Variants in KCNJ18 observed in about 807,000 individuals in gnomAD.
KCNJ18 encodes inward rectifier potassium channel 18.
A neutral mutation model predicts 17.3 loss-of-function variants in KCNJ18; 16 were observed. The observed-to-expected ratio is 0.92, with a 90% CI of 0.62 to 1.40. The LOEUF (loss-of-function observed/expected upper bound fraction) is 1.40, where lower values mean the gene tolerates loss of function less well. KCNJ18 is among the 40% of genes most tolerant of loss of function. The probability of loss-of-function intolerance (pLI) is 0.00; values close to 1 mark genes in which losing one functional copy is unlikely to be tolerated. For missense variants in KCNJ18, 462 were observed against 626.8 expected (o/e 0.74, Z 2.81); for synonymous variants, 185 against 262.6 (o/e 0.70, Z 2.86).
rs1425073692 is a variant in KCNJ18, at chr17:21,695,350, C to T, written c.-178-633C>T. ...TTCACCCATCCATCCATCCACCCAC[C>T]CATGTATTCATTCATCCATATACCC... On this transcript the variant is annotated intron_variant, in intron 1 of 2. Coordinates refer to ENST00000567955, the MANE Select transcript of KCNJ18 (RefSeq NM_001194958.2). 6.8e-3 allele frequency among the ~76,000 whole-genome samples: 1,039 copies of T among 152,318 alleles called. 24 individuals are homozygous for T. Among genetic ancestry groups the T allele is most frequent in the East Asian group, 0.05 (258 of 5,156 alleles).
chr17:21,700,003 C>G (rs1340095730), intron 2 of KCNJ18, among the ~76,000 whole-genome samples: 1 of 152,296 alleles, frequency 6.6e-6, no homozygotes, highest in African/African-American at 2.4e-5. Context: ...GGTGGCCTCA[C>G]GCCGGCGTCT....
chr17:21,701,676 C>G (rs1296851746), intron 2 of KCNJ18, among the ~76,000 whole-genome samples: 1 of 152,194 alleles, frequency 6.6e-6, no homozygotes, highest in African/African-American at 2.4e-5. Flanking sequence ...TTCAGGAGGC[C>G]GAGGCAGGTG....
intron 2 of KCNJ18, among the ~76,000 whole-genome samples, chr17:21,697,011 TG>T (rs1905778878): frequency 6.6e-6 from 1 of 152,270 alleles, no homozygotes; most frequent in East Asian, 1.9e-4. Flanking sequence ...TGACTCCCGC[TG>T]GGGAGGCCAG....
chr17:21,702,363 A>G (rs1477536032), intron 2 of KCNJ18, among the ~76,000 whole-genome samples: 2 of 151,946 alleles, frequency 1.3e-5, no homozygotes, highest in Admixed American at 6.5e-5. Context: ...GCTGCCATGG[A>G]GACTGGGGGG....
At chr17:21,694,977 A>G (rs1187058366) in intron 1 of KCNJ18, among the ~76,000 whole-genome samples, 1 of 149,858 alleles carries the variant, frequency 6.7e-6, no homozygotes, top group African/African-American at 2.5e-5. Flanking sequence ...TCATCTGCCC[A>G]TCCATCCATC....
At chr17:21,699,499 A>T (rs1276895196) in intron 2 of KCNJ18, among the ~76,000 whole-genome samples, 4 of 152,224 alleles carry the variant, frequency 2.6e-5, no homozygotes, top group African/African-American at 9.6e-5. Flanking sequence ...TCTCACACAC[A>T]CACACATGCA....
intron 1 of KCNJ18, among the ~76,000 whole-genome samples, chr17:21,694,690 A>G (rs1321149335): frequency 6.9e-6 from 1 of 145,952 alleles, no homozygotes; most frequent in Non-Finnish European, 1.5e-5. Flanking sequence ...CCATCCATCC[A>G]CCCTTCCATC....
At chr17:21,697,423 G>A (rs1905793391) in intron 2 of KCNJ18, among the ~76,000 whole-genome samples, 1 of 152,310 alleles carries the variant, frequency 6.6e-6, no homozygotes, top group Non-Finnish European at 1.5e-5. Flanking sequence ...GGCCTGGAAA[G>A]GGGATTGGGC....
chr17:21,698,987 C>T (rs1744144829), intron 2 of KCNJ18, among the ~76,000 whole-genome samples: 1 of 152,212 alleles, frequency 6.6e-6, no homozygotes, highest in East Asian at 1.9e-4. Context: ...CCCGGCGACC[C>T]TGGGACCCTG....
chr17:21,700,178 G>A (rs1437062107), intron 2 of KCNJ18, among the ~76,000 whole-genome samples: 8 of 151,648 alleles, frequency 5.3e-5, no homozygotes, highest in South Asian at 4.2e-4. Context: ...GCTCCTCAGC[G>A]TCATGGTGAG....
intron 2 of KCNJ18, among the ~76,000 whole-genome samples, chr17:21,702,041 G>A (rs1359759420): frequency 6.6e-6 from 1 of 152,298 alleles, no homozygotes; most frequent in Non-Finnish European, 1.5e-5. Context: ...TGCCGCCATT[G>A]TGCCCTTAGA....
intron 2 of KCNJ18, among the ~76,000 whole-genome samples, chr17:21,697,000 C>T (rs1905778209): frequency 6.6e-6 from 1 of 152,272 alleles, no homozygotes; most frequent in Non-Finnish European, 1.5e-5. Flanking sequence ...GGCACTGGAG[C>T]TGACTCCCGC....
chr17:21,698,790 G>A lies in KCNJ18; in HGVS notation c.-57+2686G>A, dbSNP rs1313022367. On this transcript the variant is annotated intron_variant, in intron 2 of 2. Coordinates refer to ENST00000567955, the MANE Select transcript of KCNJ18 (RefSeq NM_001194958.2). Reference sequence around the variant, plus strand: ...GGTCTGTTCTTCAAGTGGACTGGTCGCTGGGAGGCTGCGTCTGTAGGCACT... The same window carrying A: ...GGTCTGTTCTTCAAGTGGACTGGTCACTGGGAGGCTGCGTCTGTAGGCACT... 7.0e-4 allele frequency among the ~76,000 whole-genome samples: 106 copies of A among 152,300 alleles called. 1 individual carries two copies. Among genetic ancestry groups the A allele is most frequent in the African/African-American group, 2.4e-3 (99 of 41,552 alleles).
rs1906016919 is a variant in KCNJ18, at chr17:21,702,940, C to T, written c.154C>T (p.Gln52Ter). ...CRNRFVKKNG[Q>*]CNIAFANMDE... ...CAACCGCTTCGTCAAGAAGAATGGC[C>T]AGTGCAACATTGCGTTCGCCAACAT... Residue 52 changes from glutamine (Q) to a stop codon, truncating the protein, a stop_gained, in exon 3 of 3, where the codon CAG becomes TAG. Coordinates refer to ENST00000567955, the MANE Select transcript of KCNJ18 (RefSeq NM_001194958.2). LOFTEE classifies it high-confidence loss of function. 3 of 1,587,962 alleles carry T rather than the reference C, an allele frequency of 1.9e-6. No individual in the cohort carries two copies. The highest frequency in any genetic ancestry group is 2.6e-6 in the Non-Finnish European group (3 of 1,169,128).
In KCNJ18 at chr17:21,703,258, G is replaced by T; in HGVS notation, c.472G>T (p.Ala158Ser). 1 of 1,609,946 alleles carries T rather than the reference G, an allele frequency of 6.2e-7. No individual in the cohort carries two copies. ...CTGTGTGACGGAGGAGTGCCTGGTGGCCGTCTTCATGGTGGTGGCCCAGTC... is the reference window on the plus strand; with the variant it reads ...CTGTGTGACGGAGGAGTGCCTGGTGTCCGTCTTCATGGTGGTGGCCCAGTC... ...LRCVTEECLV[A>S]VFMVVAQSIV... Residue 158 changes from alanine to serine, a missense_variant, in exon 3 of 3, where the codon GCC becomes TCC. By Grantham distance (99) the Ala-to-Ser change is moderately conservative. Coordinates refer to ENST00000567955, the MANE Select transcript of KCNJ18 (RefSeq NM_001194958.2).
chr17:21,695,121 T>G (rs1905719534), intron 1 of KCNJ18, among the ~76,000 whole-genome samples: 1 of 152,048 alleles, frequency 6.6e-6, no homozygotes, highest in African/African-American at 2.4e-5. Context: ...CCATCTACCC[T>G]TCTGTTCATC....
chr17:21,699,437 G>GT (rs1905865652), intron 2 of KCNJ18, among the ~76,000 whole-genome samples: 1 of 152,090 alleles, frequency 6.6e-6, no homozygotes, highest in African/African-American at 2.4e-5. Context: ...TATTCACCAA[G>GT]TGCCCAGTGA....
rs1371015392 is a variant in KCNJ18, at chr17:21,704,259, G to A, written c.*171G>A. On this transcript the variant is annotated 3_prime_UTR_variant, in exon 3 of 3. Coordinates refer to ENST00000567955, the MANE Select transcript of KCNJ18 (RefSeq NM_001194958.2). ...AGGCCTCAGAAGGTTGGCCGGAGAGGGGGCAGCCAGAGCGGCAGCCCCCGG... is the reference window on the plus strand; with the variant it reads ...AGGCCTCAGAAGGTTGGCCGGAGAGAGGGCAGCCAGAGCGGCAGCCCCCGG... 64 of 839,754 alleles carry A rather than the reference G, an allele frequency of 7.6e-5. No individual in the cohort carries two copies. The African/African-American group carries it at 9.1e-4, about 12-fold the overall frequency. The allele number at this position is 839,754 out of a possible 1,614,324, so 52.0% of individuals were successfully genotyped here.
In KCNJ18 at chr17:21,704,265, G is replaced by A. The variant is rs1193181336; in HGVS notation, c.*177G>A. 7.6e-6 allele frequency: 6 copies of A among 784,412 alleles called. No individual in the cohort carries two copies. The Admixed American group carries it at 1.6e-4, about 21-fold the overall frequency. The allele number at this position is 784,412 out of a possible 1,614,324, so 48.6% of individuals were successfully genotyped here. A position where few individuals can be genotyped will look rare whatever the true frequency, so the allele number is the denominator to read the frequency against. On this transcript the variant is annotated 3_prime_UTR_variant, in exon 3 of 3. Transcript: ENST00000567955. ...CAGAAGGTTGGCCGGAGAGGGGGCAGCCAGAGCGGCAGCCCCCGGCCTCAG... is the reference window on the plus strand; with the variant it reads ...CAGAAGGTTGGCCGGAGAGGGGGCAACCAGAGCGGCAGCCCCCGGCCTCAG...
Sources: gnomAD v4.1 joint callset for allele counts (sites outside exome capture counted in the v4.1 genomes callset) on GRCh38, gnomAD v4.1.1 for gene constraint, MANE v1.5 for transcripts, NCBI Gene and HGNC (gene_info 2026-07-23, HGNC 2026-07-21) for gene names.